Variants in TEX9 observed in about 807,000 individuals in gnomAD.
TEX9 encodes testis-expressed protein 9.
In TEX9, 74 loss-of-function variants were observed where a neutral mutation model predicts 59.6. That is an observed-to-expected ratio of 1.24 (90% CI 1.03 to 1.51). TEX9 has a LOEUF of 1.51. TEX9 is among the 40% of genes most tolerant of loss of function. The probability of loss-of-function intolerance (pLI) is 0.00; values close to 1 mark genes in which losing one functional copy is unlikely to be tolerated. For missense variants in TEX9, 522 were observed against 447.8 expected (o/e 1.17, Z -1.49); for synonymous variants, 186 against 152.2 (o/e 1.22, Z -1.64).
chr15:56,458,238 A>G, the TEX9 span, among the ~76,000 whole-genome samples: 1 of 152,210 alleles, frequency 6.6e-6, no homozygotes, highest in African/African-American at 2.4e-5. Context: ...GTGATGTTGT[A>G]TATTCACAAT....
intron 1 of TEX9, among the ~76,000 whole-genome samples, chr15:56,310,801 G>A (rs2045593615): frequency 6.6e-6 from 1 of 152,202 alleles, no homozygotes; most frequent in Non-Finnish European, 1.5e-5. Context: ...TCCAACTGGA[G>A]ATGGAAACCC....
At chr15:56,385,610 G>C (rs1483578700) in intron 4 of TEX9, among the ~76,000 whole-genome samples, 1 of 152,082 alleles carries the variant, frequency 6.6e-6, no homozygotes, top group African/African-American at 2.4e-5. Context: ...GTCTTGGAAA[G>C]AATTGTAGGT....
intron 3 of TEX9, among the ~76,000 whole-genome samples, chr15:56,383,601 A>T (rs1464205223): frequency 3.3e-5 from 5 of 152,132 alleles, no homozygotes; most frequent in African/African-American, 1.2e-4. Context: ...CTACCCATTT[A>T]GTGAATTTAT....
rs530776325 is a variant in TEX9, at chr15:56,343,751, G to A, written c.-106-29690G>A. ...CTTATGTCTATCTGATAAAGACCTT[G>A]TATCTAGAATATACAAAAACTCCTA... On this transcript the variant is annotated intron_variant, in intron 1 of 5. Transcript: ENST00000560827. 2.0e-5 allele frequency among the ~76,000 whole-genome samples: 3 copies of A among 152,130 alleles called. No homozygotes were observed. In the South Asian group the frequency reaches 6.2e-4, roughly 32 times the overall value.
chr15:56,332,771 T>C (rs907782543), intron 1 of TEX9, among the ~76,000 whole-genome samples: 1 of 151,912 alleles, frequency 6.6e-6, no homozygotes, highest in Non-Finnish European at 1.5e-5. Context: ...TACAAACCGT[T>C]AGCCAGAATA....
chr15:56,284,004 T>G (rs2044880636), intron 1 of TEX9, among the ~76,000 whole-genome samples: 1 of 152,236 alleles, frequency 6.6e-6, no homozygotes, highest in South Asian at 2.1e-4. Context: ...AACAGATTTT[T>G]AACAATCGAT....
At chr15:56,388,374 T>G in intron 4 of TEX9, 98 bp from the exon 5 acceptor site, 2 of 941,600 alleles carry the variant, frequency 2.1e-6, no homozygotes, top group Non-Finnish European at 1.6e-6. Flanking sequence ...TCTGTTTGAT[T>G]GTTGAATATT....
intron 1 of TEX9, among the ~76,000 whole-genome samples, chr15:56,317,094 C>T (rs1162021875): frequency 3.3e-5 from 5 of 152,152 alleles, no homozygotes; most frequent in African/African-American, 9.6e-5. Context: ...GATGGAAATG[C>T]GGAAATCACC....
At chr15:56,441,325 A>G (rs1376419344) in intron 12 of TEX9, among the ~76,000 whole-genome samples, 3 of 151,976 alleles carry the variant, frequency 2.0e-5, no homozygotes, top group African/African-American at 7.2e-5. Flanking sequence ...ATCTCGGTGA[A>G]GGTTCCATGT....
intron 9 of TEX9, chr15:56,396,056 A>G (rs1376773480): frequency 1.3e-5 from 2 of 152,134 alleles, no homozygotes; most frequent in East Asian, 1.9e-4. Flanking sequence ...TAAATAAACT[A>G]TCCTAGCTTA....
At chr15:56,244,875 C>G (rs2043809415) in intron 1 of TEX9, among the ~76,000 whole-genome samples, 1 of 151,720 alleles carries the variant, frequency 6.6e-6, no homozygotes, top group African/African-American at 2.4e-5. Context: ...AGTCAGTCTC[C>G]TTTAAGAGCA....
chr15:56,314,456 G>C (rs1321782738), intron 1 of TEX9, among the ~76,000 whole-genome samples: 1 of 117,630 alleles, frequency 8.5e-6, no homozygotes, highest in South Asian at 3.8e-4. Flanking sequence ...GTAGTTGAGC[G>C]GTTTTGAGTG....
chr15:56,326,386 C>T (rs1181036691), intron 1 of TEX9, among the ~76,000 whole-genome samples: 1 of 152,026 alleles, frequency 6.6e-6, no homozygotes. Context: ...CTGAAGGACA[C>T]AAAATAAACT....
intron 1 of TEX9, among the ~76,000 whole-genome samples, chr15:56,310,142 G>A: frequency 6.6e-6 from 1 of 152,178 alleles, no homozygotes. Context: ...GAAATTCAGT[G>A]TTAGTGGGGC....
chr15:56,301,209 C>T (rs1258300801), intron 1 of TEX9, among the ~76,000 whole-genome samples: 1 of 152,010 alleles, frequency 6.6e-6, no homozygotes, highest in Non-Finnish European at 1.5e-5. Flanking sequence ...CTGAAAAATG[C>T]AATGGGCATA....
In TEX9 at chr15:56,336,539, C is replaced by T. The variant is rs1473225121; in HGVS notation, c.-106-36902C>T. Among the ~76,000 whole-genome samples, 3 of 152,272 alleles carry T rather than the reference C, an allele frequency of 2.0e-5. No homozygotes were observed. The East Asian group carries it at 5.8e-4, about 29-fold the overall frequency. On this transcript the variant is annotated intron_variant, in intron 1 of 5. Transcript: ENST00000560827. ...GATTTCAGACTTCCAGCCTCCAGAA[C>T]TGTGAGAAATAAGTTTCTATTGTTT... is the stretch of plus-strand genomic sequence containing the variant.
At chr15:56,282,164 A>T (rs1384064572) in intron 1 of TEX9, among the ~76,000 whole-genome samples, 1 of 152,228 alleles carries the variant, frequency 6.6e-6, no homozygotes, top group Non-Finnish European at 1.5e-5. Flanking sequence ...TTATTCTAGG[A>T]ATGTAATCAA....
Position 56,413,245 on chromosome 15 carries a change from A to G in TEX9, c.963+809A>G, listed in dbSNP as rs1340292867. On this transcript the variant is annotated intron_variant, in intron 10 of 12. Coordinates refer to ENST00000352903, the Ensembl canonical transcript of TEX9. ...ATTTAATTTATTTAATACTTAAATA[A>G]TTTAATTTATTTAATTAAATAATTT... 2.8e-5 allele frequency among the ~76,000 whole-genome samples: 4 copies of G among 144,120 alleles called. No individual in the cohort carries two copies. The Admixed American group carries it at 2.9e-4, about 10-fold the overall frequency. 94.5% of individuals were successfully genotyped at this position (144,120 alleles called of 152,430 possible). A position where few individuals can be genotyped will look rare whatever the true frequency, so the allele number is the denominator to read the frequency against.
intron 3 of TEX9, among the ~76,000 whole-genome samples, chr15:56,376,211 T>TA (rs1485799633): frequency 6.6e-6 from 1 of 151,934 alleles, no homozygotes; most frequent in East Asian, 1.9e-4. Flanking sequence ...CCCTAAAACT[T>TA]AAAGTATAAT....
Sources: allele counts gnomAD v4.1 joint callset (sites outside exome capture counted in the v4.1 genomes callset), GRCh38; gene constraint gnomAD v4.1.1; transcripts MANE v1.5; gene names NCBI Gene and HGNC (gene_info 2026-07-23, HGNC 2026-07-21).